ARHGAP24: variants seen among roughly 807,000 people sequenced by gnomAD.
ARHGAP24 encodes the protein Rho GTPase activating protein 24, also known as rho GTPase-activating protein 24.
ARHGAP24 carries 50 observed loss-of-function variants against 76.4 expected under a neutral mutation model. That is an observed-to-expected ratio of 0.65 (90% CI 0.52 to 0.83). The LOEUF is 0.83. Among genes scored for constraint, ARHGAP24 ranks in the 40% least tolerant of loss-of-function variants. ARHGAP24 has a pLI of 0.00. For missense variants in ARHGAP24, 930 were observed against 914.2 expected, an observed-to-expected ratio of 1.02 and a Z score of -0.22; for synonymous variants, 345 against 323.3, an observed-to-expected ratio of 1.07 and a Z score of -0.72.
intron 2 of ARHGAP24, among the ~76,000 whole-genome samples, chr4:85,607,886 A>G (rs1720254765): frequency 1.3e-5 from 2 of 151,638 alleles, no homozygotes; most frequent in South Asian, 4.2e-4. Context: ...AGAATATGAA[A>G]GTGCATGATG....
At chr4:85,749,558 G>A (rs1394164856) in intron 3 of ARHGAP24, among the ~76,000 whole-genome samples, 2 of 152,008 alleles carry the variant, frequency 1.3e-5, no homozygotes, top group African/African-American at 4.8e-5. Context: ...ACAGTTTTTT[G>A]TTATTGTTGT....
intron 3 of ARHGAP24, among the ~76,000 whole-genome samples, chr4:85,818,148 AGAAT>A (rs1339017982): frequency 2.6e-5 from 4 of 152,240 alleles, no homozygotes; most frequent in Non-Finnish European, 5.9e-5. Context: ...ATAACCAAGT[AGAAT>A]GAATGCAGAA....
At chr4:85,813,948 C>A (rs1005499018) in intron 3 of ARHGAP24, among the ~76,000 whole-genome samples, 1 of 151,590 alleles carries the variant, frequency 6.6e-6, no homozygotes, top group Non-Finnish European at 1.5e-5. Context: ...TACAGTTTCA[C>A]GTGGCTGGGG....
At position 85,994,845 on chromosome 4, in the gene ARHGAP24, C is replaced by A; in HGVS notation, c.1191C>A (p.Gly397=). ...MNNGSPTALS[G]SKTNSPKNSV... ...ATGGATCCCCCACAGCTCTATCAGG[C>A]AGCAAAACCAACAGCCCAAAGAACA... is the stretch of plus-strand genomic sequence containing the variant. Residue 397 remains glycine, a synonymous_variant, in exon 9 of 10, where the codon GGC becomes GGA. Coordinates refer to ENST00000395184, the MANE Select transcript of ARHGAP24 (RefSeq NM_001025616.3). 1 of 1,614,150 alleles carries A rather than the reference C, an allele frequency of 6.2e-7. No homozygotes were observed. Among genetic ancestry groups the A allele is most frequent in the Non-Finnish European group, 8.5e-7 (1 of 1,180,026 alleles).
intron 2 of ARHGAP24, among the ~76,000 whole-genome samples, chr4:85,652,597 A>T (rs553037264): frequency 6.6e-6 from 1 of 152,358 alleles, no homozygotes; most frequent in South Asian, 2.1e-4. Flanking sequence ...CTTTGTATTA[A>T]GAAGTGCCTG....
At position 86,001,554 on chromosome 4, in the gene ARHGAP24, C is replaced by A. The variant is rs117545477; in HGVS notation, c.*832C>A. ...ATTACTCTGTCCCTCTGGACCGAAT[C>A]TCTTTAACTGCTGGATAGTTTTAGA... On this transcript the variant is annotated 3_prime_UTR_variant, in exon 10 of 10. Transcript: ENST00000395184. 5.3e-3 allele frequency: 2,110 copies of A among 397,432 alleles called. 33 individuals are homozygous for A. Among genetic ancestry groups the A allele is most frequent in the East Asian group, 0.041 (1,157 of 28,040 alleles). 24.6% of individuals were successfully genotyped at this position (397,432 alleles called of 1,614,324 possible).
At chr4:85,969,195 C>T (rs1003109893) in intron 5 of ARHGAP24, among the ~76,000 whole-genome samples, 2 of 152,016 alleles carry the variant, frequency 1.3e-5, no homozygotes, top group African/African-American at 4.8e-5. Flanking sequence ...TTCAAAGTTT[C>T]TCAATACCAT....
At chr4:85,861,341 G>A (rs1026337759) in intron 3 of ARHGAP24, among the ~76,000 whole-genome samples, 19 of 152,200 alleles carry the variant, frequency 1.2e-4, no homozygotes, top group Admixed American at 6.6e-4. Flanking sequence ...TATGCTGTGT[G>A]AACTGCATAA....
intron 3 of ARHGAP24, among the ~76,000 whole-genome samples, chr4:85,851,786 A>T (rs1423557987): frequency 2.6e-5 from 4 of 152,124 alleles, no homozygotes; most frequent in Non-Finnish European, 5.9e-5. Context: ...CCCCACTCTC[A>T]TCTGGCTTGT....
chr4:85,719,907 G>C (rs1724863824), intron 2 of ARHGAP24, among the ~76,000 whole-genome samples: 2 of 152,112 alleles, frequency 1.3e-5, no homozygotes, highest in African/African-American at 4.8e-5. Flanking sequence ...AAAATTGCCA[G>C]GGAAAGAATG....
At chr4:85,591,783 G>A (rs185019910) in intron 2 of ARHGAP24, among the ~76,000 whole-genome samples, 1 of 152,280 alleles carries the variant, frequency 6.6e-6, no homozygotes, top group African/African-American at 2.4e-5. Context: ...GTGAGGGTAA[G>A]TCAAAACTAT....
intron 3 of ARHGAP24, among the ~76,000 whole-genome samples, chr4:85,878,283 G>A (rs1733047271): frequency 1.3e-5 from 2 of 152,180 alleles, no homozygotes; most frequent in South Asian, 4.1e-4. Context: ...TGAGTTGAGA[G>A]TAGAATATAA....
chr4:85,726,878 C>T (rs920805403), intron 3 of ARHGAP24, among the ~76,000 whole-genome samples: 3 of 152,124 alleles, frequency 2.0e-5, no homozygotes, highest in Non-Finnish European at 4.4e-5. Context: ...GGTTAAAAAG[C>T]TAACACTGGG....
At chr4:85,917,916 C>T (rs1419549808) in intron 3 of ARHGAP24, among the ~76,000 whole-genome samples, 1 of 152,032 alleles carries the variant, frequency 6.6e-6, no homozygotes, top group Non-Finnish European at 1.5e-5. Context: ...ATAGGAACAA[C>T]CTTTAATGCA....
At chr4:85,841,512 T>G (rs1304857801) in intron 3 of ARHGAP24, among the ~76,000 whole-genome samples, 2 of 152,248 alleles carry the variant, frequency 1.3e-5, no homozygotes, top group Non-Finnish European at 2.9e-5. Context: ...CTGGCTTAAA[T>G]AAGCCCAATA....
chr4:85,989,951 T>G (rs1740226159), intron 8 of ARHGAP24: 1 of 151,686 alleles, frequency 6.6e-6, no homozygotes, highest in Non-Finnish European at 1.5e-5. Context: ...GTACTGGAAA[T>G]CCTAGCCAGT....
intron 1 of ARHGAP24, among the ~76,000 whole-genome samples, chr4:85,497,856 A>G (rs545001259): frequency 1.3e-5 from 2 of 152,256 alleles, no homozygotes; most frequent in East Asian, 3.9e-4. Flanking sequence ...AGGAAAAGAA[A>G]TGCAGCACCA....
chr4:85,985,784 T>G (rs1739947916), intron 8 of ARHGAP24, among the ~76,000 whole-genome samples: 1 of 152,212 alleles, frequency 6.6e-6, no homozygotes, highest in Non-Finnish European at 1.5e-5. Context: ...TCATTTGCTG[T>G]GCATTTTATA....
intron 1 of ARHGAP24, among the ~76,000 whole-genome samples, chr4:85,483,230 A>G (rs1277941393): frequency 6.6e-6 from 1 of 152,254 alleles, no homozygotes; most frequent in East Asian, 1.9e-4. Flanking sequence ...GTCTTAATCT[A>G]ACAGTGGTCA....
Sources: gnomAD v4.1 joint callset for allele counts (sites outside exome capture counted in the v4.1 genomes callset) on GRCh38, gnomAD v4.1.1 for gene constraint, MANE v1.5 for transcripts, NCBI Gene and HGNC (gene_info 2026-07-23, HGNC 2026-07-21) for gene names.